Variants in CEP128 observed in about 807,000 individuals in gnomAD.
CEP128 encodes centrosomal protein 128, also known as centrosomal protein 128kDa.
A neutral mutation model predicts 156.7 loss-of-function variants in CEP128; 132 were observed. The observed-to-expected ratio is 0.84, with a 90% CI of 0.73 to 0.97. The LOEUF is 0.97. CEP128 is among the 50% of genes least tolerant of loss of function. CEP128 has a pLI of 0.00. For missense variants in CEP128, 1,252 were observed against 1,281.9 expected (o/e 0.98, Z 0.36); for synonymous variants, 469 against 448.9 (o/e 1.04, Z -0.57).
At chr14:80,917,469 A>T (rs1299753245) in intron 2 of CEP128, among the ~76,000 whole-genome samples, 3 of 152,208 alleles carry the variant, frequency 2.0e-5, no homozygotes, top group Non-Finnish European at 4.4e-5. Context: ...AATCTTCCTA[A>T]AATCTATATG....
chr14:80,670,230 C>T (rs1895783076), intron 19 of CEP128, among the ~76,000 whole-genome samples: 1 of 152,160 alleles, frequency 6.6e-6, no homozygotes, highest in South Asian at 2.1e-4. Context: ...AATATCGAAA[C>T]TATATTACTA....
chr14:80,856,715 C>CT (rs1566673747), intron 9 of CEP128, among the ~76,000 whole-genome samples: 40 of 73,172 alleles, frequency 5.5e-4, no homozygotes, highest in Middle Eastern at 8.2e-3. Context: ...TCATGTTTTT[C>CT]TTTTCTTTTT....
intron 12 of CEP128, among the ~76,000 whole-genome samples, chr14:80,831,921 T>C (rs547227274): frequency 6.6e-6 from 1 of 152,330 alleles, no homozygotes; most frequent in African/African-American, 2.4e-5. Context: ...CTGATGTGGT[T>C]TGGCTCTGCC....
Position 80,879,694 on chromosome 14 carries a change from C to G in CEP128, c.645+16024G>C, listed in dbSNP as rs117093725. On this transcript the variant is annotated intron_variant, in intron 8 of 24. Transcript: ENST00000555265. ...AGAGTAAAGACTTATAAAAAACCAT[C>G]AAGCAAACAAATGTTCACATTATGG... Among the ~76,000 whole-genome samples the G allele has an allele frequency of 8.3e-3, 1,262 of 152,156 alleles. 15 individuals are homozygous for G. Among genetic ancestry groups the G allele is most frequent in the Non-Finnish European group, 0.01 (683 of 67,982 alleles).
Position 80,895,798 on chromosome 14 carries a change from G to GAAGAAA in CEP128, c.573-9_573-8insTTTCTT. ...TTTGTTTCGGCATCTGACCTAGGAA[G>GAAGAAA]AAAAAAAAAAAAAAGATTTAAATTT... On this transcript the variant is annotated splice_polypyrimidine_tract_variant and intron_variant, in intron 7 of 24. Transcript: ENST00000555265. The GAAGAAA allele has an allele frequency of 7.9e-7, 1 of 1,262,704 alleles. No homozygotes were observed. The highest frequency in any genetic ancestry group is 1.0e-6 in the Non-Finnish European group (1 of 962,916). The allele number at this position is 1,262,704 out of a possible 1,614,324, so 78.2% of individuals were successfully genotyped here.
At chr14:80,829,009 G>A (rs537874092) in intron 13 of CEP128, among the ~76,000 whole-genome samples, 4 of 152,232 alleles carry the variant, frequency 2.6e-5, no homozygotes, top group Admixed American at 2.0e-4. Flanking sequence ...GGTTACAATC[G>A]AGTAATCTAT....
chr14:80,874,540 A>C (rs886299274), intron 8 of CEP128, among the ~76,000 whole-genome samples: 3 of 152,154 alleles, frequency 2.0e-5, no homozygotes, highest in African/African-American at 4.8e-5. Flanking sequence ...AGATTAAAGG[A>C]GTTTCACTTC....
chr14:80,867,218 A>T lies in CEP128; in HGVS notation c.646-4345T>A, dbSNP rs571825498. Among the ~76,000 whole-genome samples, 29 of 152,316 alleles carry T rather than the reference A, an allele frequency of 1.9e-4. No homozygotes were observed. In the East Asian group the frequency reaches 3.3e-3, roughly 17 times the overall value. On this transcript the variant is annotated intron_variant, in intron 8 of 24. Coordinates refer to ENST00000555265, the MANE Select transcript of CEP128 (RefSeq NM_152446.5). ...TGAGACAGTGAACCTGATAACTGACATGACTGCTAAGCAACTAATGGGTGA... is the reference window on the plus strand; with the variant it reads ...TGAGACAGTGAACCTGATAACTGACTTGACTGCTAAGCAACTAATGGGTGA...
intron 13 of CEP128, among the ~76,000 whole-genome samples, chr14:80,827,777 C>A (rs1034496014): frequency 6.6e-6 from 1 of 152,152 alleles, no homozygotes; most frequent in Non-Finnish European, 1.5e-5. Flanking sequence ...GATTGGTGCC[C>A]TGCATAAGAG....
chr14:80,851,517 T>TA (rs1028170955), intron 9 of CEP128, among the ~76,000 whole-genome samples: 8 of 152,030 alleles, frequency 5.3e-5, no homozygotes, highest in African/African-American at 1.7e-4. Context: ...ACTGTATGTT[T>TA]AAAATCTTAG....
chr14:80,915,449 A>T (rs1884493045), intron 3 of CEP128, among the ~76,000 whole-genome samples: 1 of 152,240 alleles, frequency 6.6e-6, no homozygotes, highest in Non-Finnish European at 1.5e-5. Context: ...TAAAAGCCAA[A>T]ATCCATTCTT....
intron 18 of CEP128, among the ~76,000 whole-genome samples, chr14:80,747,417 C>G (rs1305608757): frequency 6.6e-6 from 1 of 152,124 alleles, no homozygotes; most frequent in African/African-American, 2.4e-5. Flanking sequence ...AAAGTGAGGT[C>G]ATGATACATG....
At chr14:80,514,292 T>C (rs1172567914) in intron 23 of CEP128, among the ~76,000 whole-genome samples, 1 of 152,190 alleles carries the variant, frequency 6.6e-6, no homozygotes, top group Non-Finnish European at 1.5e-5. Context: ...CTAAGGGCTG[T>C]GTCATGGGCC....
chr14:80,721,573 A>G (rs1293306279), intron 19 of CEP128, among the ~76,000 whole-genome samples: 1 of 152,218 alleles, frequency 6.6e-6, no homozygotes, highest in African/African-American at 2.4e-5. Flanking sequence ...CATGTTTAAA[A>G]TTAATTTCAC....
intron 1 of CEP128, among the ~76,000 whole-genome samples, chr14:80,940,143 G>T (rs975671121): frequency 3.3e-5 from 5 of 151,976 alleles, no homozygotes; most frequent in African/African-American, 1.2e-4. Flanking sequence ...AGGTAGATCT[G>T]GGAATACATC....
At chr14:80,506,327 T>G (rs1042993802) in intron 23 of CEP128, among the ~76,000 whole-genome samples, 6 of 116,642 alleles carry the variant, frequency 5.1e-5, no homozygotes, top group African/African-American at 1.7e-4. Flanking sequence ...TGCTCAGGAT[T>G]TGAAACTCTT....
At chr14:80,495,615 T>G (rs1412967555), downstream of CEP128, among the ~76,000 whole-genome samples, 1 of 152,016 alleles carries the variant, frequency 6.6e-6, no homozygotes, top group Non-Finnish European at 1.5e-5. Context: ...CAAGCATTTC[T>G]CAAGTAAATA....
At chr14:80,568,706 G>T (rs1204039277) in intron 20 of CEP128, among the ~76,000 whole-genome samples, 1 of 152,024 alleles carries the variant, frequency 6.6e-6, no homozygotes, top group Non-Finnish European at 1.5e-5. Context: ...ACACACACGC[G>T]CAGGTAAGAA....
intron 2 of CEP128, among the ~76,000 whole-genome samples, chr14:80,947,139 A>C (rs1302052091): frequency 1.3e-5 from 2 of 152,150 alleles, no homozygotes; most frequent in Non-Finnish European, 2.9e-5. Context: ...CAAATTACAC[A>C]GTCTCAGGTG....
Sources: allele counts gnomAD v4.1 joint callset (sites outside exome capture counted in the v4.1 genomes callset), GRCh38; gene constraint gnomAD v4.1.1; transcripts MANE v1.5; gene names NCBI Gene and HGNC (gene_info 2026-07-23, HGNC 2026-07-21).